Variants in WDHD1 observed in about 807,000 individuals in gnomAD.
The protein encoded by WDHD1 is WD repeat and HMG-box DNA binding protein 1, also known as WD repeat and HMG-box DNA-binding protein 1.
Under a neutral mutation model 135.4 loss-of-function variants are expected in WDHD1, and 111 were observed. The ratio of observed to expected loss-of-function variants is 0.82; its 90% CI spans 0.70 to 0.96. The LOEUF (loss-of-function observed/expected upper bound fraction) is 0.96. WDHD1 is among the 40% of genes least tolerant of loss of function. The pLI is 0.00. For synonymous variants in WDHD1, 434 were observed against 439.0 expected, an observed-to-expected ratio of 0.99 and a Z score of 0.14; for missense variants, 1,351 against 1,336.3, an observed-to-expected ratio of 1.01 and a Z score of -0.17.
chr14:54,982,043 T>C (rs1026691777), intron 15 of WDHD1, among the ~76,000 whole-genome samples: 3 of 151,796 alleles, frequency 2.0e-5, no homozygotes, highest in Non-Finnish European at 2.9e-5. Context: ...AGTCTTGCTG[T>C]GTACCCAGGC....
At chr14:54,943,906 C>T (rs1004722117) in intron 25 of WDHD1, among the ~76,000 whole-genome samples, 2 of 151,610 alleles carry the variant, frequency 1.3e-5, no homozygotes, top group African/African-American at 4.8e-5. Context: ...GCCATGATCA[C>T]ACCACGACAC....
chr14:54,986,492 T>C (rs377700079), intron 14 of WDHD1, among the ~76,000 whole-genome samples: 5 of 152,134 alleles, frequency 3.3e-5, no homozygotes, highest in African/African-American at 9.6e-5. Flanking sequence ...CCAGAATCTA[T>C]GAATCTATTT....
intron 4 of WDHD1, among the ~76,000 whole-genome samples, chr14:55,009,312 G>A (rs1876089860): frequency 6.6e-6 from 1 of 152,010 alleles, no homozygotes; most frequent in Non-Finnish European, 1.5e-5. Context: ...ATTTTTAAAA[G>A]TACTATACCT....
intron 15 of WDHD1, among the ~76,000 whole-genome samples, chr14:54,983,933 T>C (rs965760813): frequency 3.3e-5 from 5 of 152,178 alleles, no homozygotes; most frequent in African/African-American, 1.2e-4. Context: ...CATAAAAAAA[T>C]TGATTTTTAT....
chr14:54,955,581 A>G lies in WDHD1; in HGVS notation c.3030T>C (p.Pro1010=). The change falls in exon 24 of 26, where the codon CCT becomes CCC. Residue 1010 remains proline, a synonymous_variant. Transcript: ENST00000360586. ...CTGACCTTTGGTTTTCAGTGTTTTG[A>G]GGAGGACATATAGCTGGGGTTTCAG... ...VLSETPAICP[P]QNTENQRPKT... 6.3e-7 allele frequency: 1 copy of G among 1,581,986 alleles called. No individual in the cohort carries two copies. The highest frequency in any genetic ancestry group is 8.6e-7 in the Non-Finnish European group (1 of 1,169,120).
chr14:54,987,294 G>A lies in WDHD1; in HGVS notation c.1620C>T (p.Leu540=), dbSNP rs751917338. ...PQNEDIEAIC[L]GQGWAAAATS... ...TAGCGGCAGCAGCCCATCCTTGACC[G>A]AGACATATGGCTTCAATATCCTCAT... is the stretch of plus-strand genomic sequence containing the variant. Residue 540 remains leucine, a synonymous_variant, in exon 14 of 26, where the codon CTC becomes CTT. Coordinates refer to ENST00000360586, the MANE Select transcript of WDHD1 (RefSeq NM_007086.4). 1.4e-5 allele frequency: 22 copies of A among 1,613,946 alleles called. No homozygotes were observed. The highest frequency in any genetic ancestry group is 1.1e-4 in the East Asian group (5 of 44,874).
chr14:55,020,376 C>CAA (rs1209213591), intron 2 of WDHD1, among the ~76,000 whole-genome samples: 1 of 152,178 alleles, frequency 6.6e-6, no homozygotes, highest in East Asian at 1.9e-4. Context: ...GAGCATTTGA[C>CAA]AGAGTCTATT....
intron 25 of WDHD1, among the ~76,000 whole-genome samples, chr14:54,943,181 G>C (rs531915713): frequency 1.3e-5 from 2 of 152,290 alleles, no homozygotes; most frequent in Non-Finnish European, 2.9e-5. Context: ...CTGAGAGATT[G>C]TGCCTTCCTT....
rs556384592 is a variant in WDHD1, at chr14:54,987,873, C to G, written c.1527-486G>C. Among the ~76,000 whole-genome samples the G allele has an allele frequency of 2.6e-5, 4 of 152,256 alleles. No individual in the cohort carries two copies. The South Asian group carries it at 8.3e-4, about 32-fold the overall frequency. ...AACTCTTGAGCTCAGGTCATCTGTCCGCCTTGGCCTCCCAAAGTGCCGGGA... is the reference window on the plus strand; with the variant it reads ...AACTCTTGAGCTCAGGTCATCTGTCGGCCTTGGCCTCCCAAAGTGCCGGGA... On this transcript the variant is annotated intron_variant, in intron 13 of 25. Coordinates refer to ENST00000360586, the MANE Select transcript of WDHD1 (RefSeq NM_007086.4).
At chr14:54,984,202 A>C (rs1168743294) in intron 15 of WDHD1, among the ~76,000 whole-genome samples, 1 of 152,228 alleles carries the variant, frequency 6.6e-6, no homozygotes, top group African/African-American at 2.4e-5. Flanking sequence ...ATTCTCATGA[A>C]GAGAGCTCTT....
intron 2 of WDHD1, among the ~76,000 whole-genome samples, chr14:55,016,117 A>C (rs1242901387): frequency 1.3e-5 from 2 of 152,232 alleles, no homozygotes; most frequent in African/African-American, 2.4e-5. Flanking sequence ...ATAAGAAATA[A>C]AGGCAGAAAA....
chr14:55,012,116 GA>G (rs935144261), intron 3 of WDHD1, among the ~76,000 whole-genome samples: 3 of 151,738 alleles, frequency 2.0e-5, no homozygotes, highest in South Asian at 2.1e-4. Context: ...ATCTTATGGG[GA>G]AAAAAAATCC....
At position 55,013,194 on chromosome 14, in the gene WDHD1, C is replaced by CAAAAAAAAAAAAAAA. The variant is rs71448422; in HGVS notation, c.189+276_189+290dup. Among the ~76,000 whole-genome samples, 251 of 82,280 alleles carry CAAAAAAAAAAAAAAA rather than the reference C, an allele frequency of 3.1e-3. 14 individuals are homozygous for CAAAAAAAAAAAAAAA. The highest frequency in any genetic ancestry group is 0.011 in the South Asian group (21 of 1,894). The allele number at this position is 82,280 out of a possible 152,430, so 54.0% of individuals were successfully genotyped here. On this transcript the variant is annotated intron_variant, in intron 3 of 25. Transcript: ENST00000360586. ...TGAGCAACATGGCAAGATCCCGTTT[C>CAAAAAAAAAAAAAAA]AAAAAAAAAAAAAAAAAAAAAAAAT...
At chr14:54,986,447 T>A (rs894726348) in intron 14 of WDHD1, among the ~76,000 whole-genome samples, 1 of 152,034 alleles carries the variant, frequency 6.6e-6, no homozygotes, top group African/African-American at 2.4e-5. Context: ...AGATTACAGG[T>A]GTGAGCCACC....
Position 54,955,694 on chromosome 14 carries a change from C to A in WDHD1, c.2917G>T (p.Ala973Ser). 6.5e-7 allele frequency: 1 copy of A among 1,542,546 alleles called. No individual in the cohort carries two copies. The highest frequency in any genetic ancestry group is 8.7e-7 in the Non-Finnish European group (1 of 1,150,932). Residue 973 changes from alanine to serine, a missense_variant and splice_region_variant, in exon 24 of 26, where the codon GCA (alanine) becomes TCA (serine). Ala to Ser is a moderately conservative substitution (Grantham distance 99). Coordinates refer to ENST00000360586, the MANE Select transcript of WDHD1 (RefSeq NM_007086.4). ...PLIPKPKPKQ[A>S]SAASYFQKRN... ...TTCTGGAAATAGGATGCTGCAGATG[C>A]CTATAAAAACAAACATGAATACTGC... is the stretch of plus-strand genomic sequence containing the variant.
intron 24 of WDHD1, among the ~76,000 whole-genome samples, chr14:54,953,906 G>C (rs2041106491): frequency 6.6e-6 from 1 of 152,074 alleles, no homozygotes; most frequent in Admixed American, 6.5e-5. Context: ...CTCACTCATA[G>C]GTGAGAACTG....
chr14:54,979,859 A>C (rs1313837736), intron 16 of WDHD1, among the ~76,000 whole-genome samples: 1 of 152,212 alleles, frequency 6.6e-6, no homozygotes, highest in Non-Finnish European at 1.5e-5. Context: ...ATACAATTAC[A>C]TATTCTTATT....
chr14:54,981,816 A>T, intron 15 of WDHD1, 120 bp from the exon 16 acceptor site: 1 of 541,734 alleles, frequency 1.8e-6, no homozygotes, highest in East Asian at 3.1e-5. Context: ...AACACAAAAC[A>T]GAAGCAAATA....
chr14:54,997,617 A>T (rs186217731), intron 10 of WDHD1, among the ~76,000 whole-genome samples: 327 of 152,056 alleles, frequency 2.2e-3, no homozygotes, highest in African/African-American at 4.5e-3. Context: ...TTTTCTAATT[A>T]AAAAAAATGG....
Sources: gnomAD v4.1 joint callset for allele counts (sites outside exome capture counted in the v4.1 genomes callset) on GRCh38, gnomAD v4.1.1 for gene constraint, MANE v1.5 for transcripts, NCBI Gene and HGNC (gene_info 2026-07-23, HGNC 2026-07-21) for gene names.